SLC35D4: variants seen among roughly 807,000 people sequenced by gnomAD.
SLC35D4 encodes solute carrier family 35 member D4, also known as UDP-N-acetylglucosamine transporter SLC35D4.
At chr18:23,292,608 C>T in the SLC35D4 span, among the ~76,000 whole-genome samples, 29 of 152,322 alleles carry the variant, frequency 1.9e-4, no homozygotes, top group African/African-American at 6.3e-4. Flanking sequence ...CTGTGAAACA[C>T]GGGGACCTCA....
the SLC35D4 span, chr18:23,377,628 G>T: frequency 7.0e-6 from 11 of 1,572,686 alleles, no homozygotes; most frequent in Non-Finnish European, 8.6e-6. Flanking sequence ...CTTTTTGGGG[G>T]GAGGGCAGTA....
the SLC35D4 span, among the ~76,000 whole-genome samples, chr18:23,261,967 C>A: frequency 6.6e-6 from 1 of 152,190 alleles, no homozygotes; most frequent in African/African-American, 2.4e-5. Context: ...CAAGGATCAG[C>A]AGCATTCACA....
the SLC35D4 span, among the ~76,000 whole-genome samples, chr18:23,429,665 C>T: frequency 6.6e-6 from 1 of 152,048 alleles, no homozygotes; most frequent in Non-Finnish European, 1.5e-5. Context: ...CATGAGCCAC[C>T]ACACCGGCCA....
the SLC35D4 span, among the ~76,000 whole-genome samples, chr18:23,360,600 G>A: frequency 2.6e-5 from 4 of 152,200 alleles, no homozygotes; most frequent in Non-Finnish European, 5.9e-5. Flanking sequence ...CAGATCCATA[G>A]AGGTCTCATG....
chr18:23,281,417 G>A, the SLC35D4 span, among the ~76,000 whole-genome samples: 1 of 152,132 alleles, frequency 6.6e-6, no homozygotes, highest in Non-Finnish European at 1.5e-5. Flanking sequence ...TGACCTCCTG[G>A]ACTTGACTGA....
chr18:23,350,247 T>G, the SLC35D4 span, among the ~76,000 whole-genome samples: 1 of 152,220 alleles, frequency 6.6e-6, no homozygotes, highest in Non-Finnish European at 1.5e-5. Flanking sequence ...TTTACTCAAA[T>G]TTTTTTCTTG....
chr18:23,285,447 C>A, the SLC35D4 span, among the ~76,000 whole-genome samples: 1 of 152,124 alleles, frequency 6.6e-6, no homozygotes, highest in African/African-American at 2.4e-5. Flanking sequence ...GACAGTAGTT[C>A]CAAATAGCCA....
chr18:23,353,779 C>CTAT, the SLC35D4 span, among the ~76,000 whole-genome samples: 13 of 152,200 alleles, frequency 8.5e-5, no homozygotes, highest in Admixed American at 8.5e-4. Context: ...GCCTGGATTT[C>CTAT]TATTCCTCAC....
chr18:23,362,455 C>T, the SLC35D4 span, among the ~76,000 whole-genome samples: 2 of 151,990 alleles, frequency 1.3e-5, no homozygotes, highest in Admixed American at 6.6e-5. Flanking sequence ...AAAAATTAGC[C>T]AGGCATGGTG....
chr18:23,304,865 G>A, the SLC35D4 span, among the ~76,000 whole-genome samples: 24 of 152,256 alleles, frequency 1.6e-4, 1 homozygote, highest in South Asian at 5.0e-3. Flanking sequence ...ATAAGGCCCA[G>A]TTCACACCAG....
chr18:23,351,911 C>T, the SLC35D4 span, among the ~76,000 whole-genome samples: 1 of 152,192 alleles, frequency 6.6e-6, no homozygotes, highest in African/African-American at 2.4e-5. Context: ...GACTGAGTCC[C>T]CTTGTGTAAG....
the SLC35D4 span, chr18:23,259,375 G>A: frequency 8.6e-4 from 131 of 152,318 alleles, no homozygotes; most frequent in South Asian, 3.7e-3. Context: ...CAGCCCAGAC[G>A]TGGGGAGAGA....
the SLC35D4 span, chr18:23,253,640 A>G: frequency 9.0e-7 from 1 of 1,112,186 alleles, no homozygotes; most frequent in Non-Finnish European, 1.3e-6. Context: ...AAAGAGAAAG[A>G]GAAAAAGCAT....
the SLC35D4 span, among the ~76,000 whole-genome samples, chr18:23,341,332 G>A: frequency 6.6e-6 from 1 of 152,190 alleles, no homozygotes; most frequent in Non-Finnish European, 1.5e-5. Context: ...TCTCAGATCT[G>A]AGGAAGATAC....
chr18:23,371,926 G>GTTTTTTTTTTTTTT, the SLC35D4 span, among the ~76,000 whole-genome samples: 12 of 11,858 alleles, frequency 1.0e-3, 1 homozygote, highest in Admixed American at 3.4e-3. Context: ...TTTCTTCCTT[G>GTTTTTTTTTTTTTT]TTTTTTTTGT....
At chr18:23,350,775 T>C in the SLC35D4 span, among the ~76,000 whole-genome samples, 172 of 152,140 alleles carry the variant, frequency 1.1e-3, 1 homozygote, top group African/African-American at 3.8e-3. Flanking sequence ...TTGGAAGTGG[T>C]GGTAAGCCTG....
At chr18:23,324,442 A>G in the SLC35D4 span, among the ~76,000 whole-genome samples, 33,981 of 152,142 alleles carry the variant, frequency 0.22, 3,990 homozygotes, top group Admixed American at 0.32. Flanking sequence ...GAATGTTTCA[A>G]AAGACGCTTT....
the SLC35D4 span, chr18:23,296,054 G>A: frequency 6.6e-6 from 1 of 152,034 alleles, no homozygotes; most frequent in East Asian, 1.9e-4. Flanking sequence ...GAGAACACAT[G>A]GACATAGGGA....
At chr18:23,347,225 T>C in the SLC35D4 span, among the ~76,000 whole-genome samples, 2 of 152,232 alleles carry the variant, frequency 1.3e-5, no homozygotes, top group Non-Finnish European at 2.9e-5. Context: ...TCATTTCTTC[T>C]TGAGTCAGTT....
Sources: gnomAD v4.1 joint callset for allele counts (sites outside exome capture counted in the v4.1 genomes callset) on GRCh38, gnomAD v4.1.1 for gene constraint, MANE v1.5 for transcripts, NCBI Gene and HGNC (gene_info 2026-07-23, HGNC 2026-07-21) for gene names.